C8orf34: variants seen among roughly 807,000 people sequenced by gnomAD.
C8orf34 encodes uncharacterized protein C8orf34.
In C8orf34, 65 loss-of-function variants were observed where a neutral mutation model predicts 68.3. That is an observed-to-expected ratio of 0.95 (90% confidence interval 0.78 to 1.17). The LOEUF is 1.17. Among genes scored for constraint, C8orf34 ranks in the 50% most tolerant of loss-of-function variants. The pLI, the probability that C8orf34 is intolerant of heterozygous loss-of-function variation, is 0.00. For synonymous variants in C8orf34, 244 were observed against 241.2 expected, an observed-to-expected ratio of 1.01 and a Z score of -0.11; for missense variants, 664 against 655.4, an observed-to-expected ratio of 1.01 and a Z score of -0.14.
chr8:68,765,037 A>G (rs1823131098), intron 10 of C8orf34, among the ~76,000 whole-genome samples: 2 of 152,306 alleles, frequency 1.3e-5, no homozygotes, highest in East Asian at 3.9e-4. Flanking sequence ...TCATTTTTGT[A>G]CCTTTCACAA....
At chr8:68,396,386 T>C (rs1808708300) in intron 1 of C8orf34, among the ~76,000 whole-genome samples, 1 of 152,038 alleles carries the variant, frequency 6.6e-6, no homozygotes, top group South Asian at 2.1e-4. Context: ...CTTAAGGCTT[T>C]GTAAACTTGG....
At chr8:68,387,508 G>A (rs1339367480) in intron 1 of C8orf34, among the ~76,000 whole-genome samples, 5 of 152,122 alleles carry the variant, frequency 3.3e-5, no homozygotes, top group Non-Finnish European at 5.9e-5. Flanking sequence ...GGATTAAAAA[G>A]ATAAAGTTAA....
intron 1 of C8orf34, among the ~76,000 whole-genome samples, chr8:68,356,361 T>C (rs1806748410): frequency 6.6e-6 from 1 of 152,182 alleles, no homozygotes; most frequent in South Asian, 2.1e-4. Flanking sequence ...TATTGGGTAC[T>C]ATATTATCTA....
chr8:68,501,779 T>C (rs1433641218), intron 5 of C8orf34, among the ~76,000 whole-genome samples: 1 of 152,150 alleles, frequency 6.6e-6, no homozygotes, highest in African/African-American at 2.4e-5. Flanking sequence ...GTCCCCCAAT[T>C]TATTCTGGGG....
At chr8:68,657,028 C>T (rs1434250604) in intron 8 of C8orf34, among the ~76,000 whole-genome samples, 1 of 152,078 alleles carries the variant, frequency 6.6e-6, no homozygotes, top group Non-Finnish European at 1.5e-5. Context: ...TTATCTTCTG[C>T]CCTGAACCCT....
intron 8 of C8orf34, among the ~76,000 whole-genome samples, chr8:68,663,681 C>CT (rs1185232375): frequency 1.3e-5 from 2 of 152,136 alleles, no homozygotes; most frequent in Non-Finnish European, 2.9e-5. Flanking sequence ...TCACAAGTGC[C>CT]TTGTGAGAGC....
upstream of C8orf34, among the ~76,000 whole-genome samples, chr8:68,330,378 T>C (rs1267573686): frequency 6.6e-6 from 1 of 152,018 alleles, no homozygotes; most frequent in Non-Finnish European, 1.5e-5. Flanking sequence ...CTCCTGCACT[T>C]TGAGAGTTTT....
chr8:68,352,711 A>G (rs1806563347), intron 1 of C8orf34, among the ~76,000 whole-genome samples: 2 of 152,154 alleles, frequency 1.3e-5, no homozygotes, highest in South Asian at 4.1e-4. Flanking sequence ...GTTAAAATAT[A>G]TCAAAGTGAA....
chr8:68,469,754 A>G (rs1563466380), intron 4 of C8orf34, among the ~76,000 whole-genome samples: 1 of 152,050 alleles, frequency 6.6e-6, no homozygotes, highest in East Asian at 1.9e-4. Flanking sequence ...TTAGAACACT[A>G]GCAAATTCTA....
chr8:68,416,853 A>G (rs1809692682), intron 1 of C8orf34, among the ~76,000 whole-genome samples: 1 of 152,032 alleles, frequency 6.6e-6, no homozygotes, highest in Admixed American at 6.6e-5. Flanking sequence ...TTTAAATATT[A>G]TGTCTATTAT....
intron 7 of C8orf34, among the ~76,000 whole-genome samples, chr8:68,550,293 A>G (rs1816022167): frequency 6.6e-6 from 1 of 151,598 alleles, no homozygotes; most frequent in Non-Finnish European, 1.5e-5. Context: ...AGTTTGGAAT[A>G]TATATATTTA....
intron 8 of C8orf34, among the ~76,000 whole-genome samples, chr8:68,687,988 T>C (rs913168491): frequency 2.0e-5 from 3 of 152,018 alleles, no homozygotes; most frequent in Non-Finnish European, 2.9e-5. Flanking sequence ...TAGACATTTC[T>C]CAAAAGAAGA....
intron 1 of C8orf34, among the ~76,000 whole-genome samples, chr8:68,418,114 A>G (rs1231439283): frequency 6.8e-6 from 1 of 146,764 alleles, no homozygotes; most frequent in Non-Finnish European, 1.5e-5. Flanking sequence ...TTGGTGTATA[A>G]GAATGCTTGT....
chr8:68,729,399 T>G (rs1821919725), intron 10 of C8orf34, among the ~76,000 whole-genome samples: 2 of 152,202 alleles, frequency 1.3e-5, no homozygotes, highest in South Asian at 4.1e-4. Flanking sequence ...ACTTTGGCAA[T>G]CTGCTGAAGT....
rs117939476 is a variant in C8orf34 at position 68,331,345 on chromosome 8, G to A, written c.327+6G>A. 6,980 of 1,536,328 alleles carry A rather than the reference G, an allele frequency of 4.5e-3. 31 individuals are homozygous for A. The highest frequency in any genetic ancestry group is 5.7e-3 in the Non-Finnish European group (6,548 of 1,146,896). ...AGATCGGTCCCCTGTTTGAGGTAAG[G>A]CGCTGTGGAGGAGGGCAGTCCCGTT... On this transcript the variant is annotated splice_donor_region_variant and intron_variant, in intron 1 of 13. Transcript: ENST00000518698.
At chr8:68,696,266 T>G (rs1820831937) in intron 8 of C8orf34, among the ~76,000 whole-genome samples, 1 of 147,954 alleles carries the variant, frequency 6.8e-6, no homozygotes. Flanking sequence ...ATAATAAATA[T>G]GAACAGTAAA....
chr8:68,655,731 A>G (rs749943240), intron 8 of C8orf34, among the ~76,000 whole-genome samples: 2 of 152,172 alleles, frequency 1.3e-5, no homozygotes, highest in Non-Finnish European at 2.9e-5. Context: ...GTTAATAGGT[A>G]TGTAACCCCA....
intron 8 of C8orf34, among the ~76,000 whole-genome samples, chr8:68,667,954 A>G (rs2130831648): frequency 6.6e-6 from 1 of 152,302 alleles, no homozygotes; most frequent in East Asian, 1.9e-4. Flanking sequence ...AAATAAAATC[A>G]GAGGAGAAAA....
intron 8 of C8orf34, among the ~76,000 whole-genome samples, chr8:68,667,151 C>G (rs1172683878): frequency 1.3e-5 from 2 of 152,034 alleles, no homozygotes; most frequent in African/African-American, 2.4e-5. Context: ...TTATTTAAAG[C>G]CTTGTTAGTT....
Sources: allele counts gnomAD v4.1 joint callset (sites outside exome capture counted in the v4.1 genomes callset), GRCh38; gene constraint gnomAD v4.1.1; transcripts MANE v1.5; gene names NCBI Gene and HGNC (gene_info 2026-07-23, HGNC 2026-07-21).